Variants in GULP1 observed in about 807,000 individuals in gnomAD.
The protein encoded by GULP1 is PTB domain-containing engulfment adapter protein 1.
In GULP1, 19 loss-of-function variants were observed where a neutral mutation model predicts 40.9. The observed-to-expected ratio is 0.46, with a 90% confidence interval of 0.32 to 0.68. The LOEUF (loss-of-function observed/expected upper bound fraction) is 0.68, where lower values mean the gene tolerates loss of function less well. GULP1 is among the 30% of genes least tolerant of loss of function. GULP1 has a pLI of 0.03. For missense variants in GULP1, 312 were observed against 362.2 expected (o/e 0.86, Z 1.12); for synonymous variants, 119 against 117.6 (o/e 1.01, Z -0.08).
rs573871770 is a variant in GULP1 at position 188,496,211 on chromosome 2, A to G, written c.90+12719A>G. Among the ~76,000 whole-genome samples the G allele has an allele frequency of 4.6e-5, 7 of 152,180 alleles. No individual in the cohort carries two copies. The East Asian group carries it at 1.2e-3, about 25-fold the overall frequency. ...CTTGAGCATCAAAGTAAGCAATGAA[A>G]GGGCTTGACCAGCTTTTAGTTGATC... On this transcript the variant is annotated intron_variant, in intron 4 of 11. Coordinates refer to ENST00000409830, the MANE Select transcript of GULP1 (RefSeq NM_016315.4).
Position 188,414,414 on chromosome 2 carries a change from A to G in GULP1, c.-45+30525A>G, listed in dbSNP as rs1375000279. 3.3e-5 allele frequency among the ~76,000 whole-genome samples: 5 copies of G among 152,192 alleles called. No individual in the cohort carries two copies. The East Asian group carries it at 9.6e-4, about 29-fold the overall frequency. On this transcript the variant is annotated intron_variant, in intron 2 of 11. Coordinates refer to ENST00000409830, the MANE Select transcript of GULP1 (RefSeq NM_016315.4). ...CCACAGTTGTGTTTCCATTTGACAAATAATTTTTATGATTTATTAGTATGA... is the reference window on the plus strand; with the variant it reads ...CCACAGTTGTGTTTCCATTTGACAAGTAATTTTTATGATTTATTAGTATGA...
At chr2:188,469,675 G>T (rs1476871793) in intron 2 of GULP1, among the ~76,000 whole-genome samples, 2 of 152,172 alleles carry the variant, frequency 1.3e-5, no homozygotes, top group African/African-American at 4.8e-5. Flanking sequence ...CATTTAGTAT[G>T]ATAGTAGCTG....
intron 7 of GULP1, among the ~76,000 whole-genome samples, chr2:188,566,667 G>C (rs189766140): frequency 6.6e-6 from 1 of 151,448 alleles, no homozygotes; most frequent in African/African-American, 2.4e-5. Context: ...GTGGTGGTGC[G>C]TGCCTGTAGT....
At chr2:188,583,573 T>A (rs886518725) in intron 9 of GULP1, among the ~76,000 whole-genome samples, 1 of 152,210 alleles carries the variant, frequency 6.6e-6, no homozygotes, top group Non-Finnish European at 1.5e-5. Flanking sequence ...TTTTCATTTA[T>A]CTTTCCCTAT....
At chr2:188,560,995 A>T (rs930569304) in intron 7 of GULP1, among the ~76,000 whole-genome samples, 1 of 152,234 alleles carries the variant, frequency 6.6e-6, no homozygotes, top group African/African-American at 2.4e-5. Context: ...TTACAATTTA[A>T]TATGAGATTT....
At chr2:188,456,302 A>G (rs182522632) in intron 2 of GULP1, among the ~76,000 whole-genome samples, 3,500 of 152,278 alleles carry the variant, frequency 0.023, 146 homozygotes, top group African/African-American at 0.08. Context: ...AGCCTCTCCC[A>G]TCACGTGCCG....
At chr2:188,433,383 C>T (rs2057093712) in intron 2 of GULP1, among the ~76,000 whole-genome samples, 3 of 152,022 alleles carry the variant, frequency 2.0e-5, no homozygotes, top group South Asian at 4.1e-4. Context: ...ACGGACAGTC[C>T]GGTTTCTCGA....
intron 2 of GULP1, among the ~76,000 whole-genome samples, chr2:188,402,853 C>G (rs995270018): frequency 6.6e-6 from 1 of 152,108 alleles, no homozygotes; most frequent in South Asian, 2.1e-4. Flanking sequence ...ATGTCAGGCA[C>G]TGTCCTAAGC....
chr2:188,378,811 T>C (rs1220353372), intron 1 of GULP1, among the ~76,000 whole-genome samples: 1 of 152,142 alleles, frequency 6.6e-6, no homozygotes, highest in Non-Finnish European at 1.5e-5. Flanking sequence ...ACGTTTAACA[T>C]TGGGGATCAC....
intron 9 of GULP1, among the ~76,000 whole-genome samples, chr2:188,580,190 A>G (rs970282401): frequency 6.6e-6 from 1 of 152,244 alleles, no homozygotes. Flanking sequence ...AGTAAGTTAT[A>G]TCGAACAAAA....
At chr2:188,513,205 A>T (rs901806147) in intron 4 of GULP1, among the ~76,000 whole-genome samples, 3 of 152,154 alleles carry the variant, frequency 2.0e-5, no homozygotes, top group African/African-American at 7.2e-5. Flanking sequence ...GTAAAATCTG[A>T]CGAACTATAT....
At chr2:188,356,936 G>A (rs760803270) in intron 1 of GULP1, among the ~76,000 whole-genome samples, 1 of 152,020 alleles carries the variant, frequency 6.6e-6, no homozygotes, top group Non-Finnish European at 1.5e-5. Flanking sequence ...TTAAACAGAG[G>A]CACCAAGAAC....
At chr2:188,323,650 A>ATGTGTGTGTG (rs112584285) in intron 1 of GULP1, among the ~76,000 whole-genome samples, 1 of 143,582 alleles carries the variant, frequency 7.0e-6, no homozygotes. Context: ...ATCTGAAGAT[A>ATGTGTGTGTG]TGTGTGTGTG....
rs2041355225 is a variant in GULP1 at position 188,330,080 on chromosome 2, GT to G, written c.-172+37916del. Among the ~76,000 whole-genome samples the G allele has an allele frequency of 3.3e-5, 5 of 152,218 alleles. No homozygotes were observed. The South Asian group carries it at 1.0e-3, about 32-fold the overall frequency. ...CGTCATCATATAGGTAGTATTTAAA[GT>G]TATGAAACATACTCAAATTACCTAG... On this transcript the variant is annotated intron_variant, in intron 1 of 11. Transcript: ENST00000409830.
intron 1 of GULP1, among the ~76,000 whole-genome samples, chr2:188,358,119 T>C (rs556374679): frequency 6.6e-6 from 1 of 152,200 alleles, no homozygotes; most frequent in South Asian, 2.1e-4. Flanking sequence ...AGGCAGAAGT[T>C]TCAGTGAGCC....
At chr2:188,575,543 G>C (rs1700000512) in intron 9 of GULP1, among the ~76,000 whole-genome samples, 1 of 152,174 alleles carries the variant, frequency 6.6e-6, no homozygotes, top group Non-Finnish European at 1.5e-5. Flanking sequence ...TTTAGAGAAA[G>C]TGACCAGGGA....
chr2:188,358,022 A>G (rs2045583022), intron 1 of GULP1, among the ~76,000 whole-genome samples: 2 of 152,120 alleles, frequency 1.3e-5, no homozygotes, highest in Admixed American at 6.6e-5. Flanking sequence ...CTACTAAAAA[A>G]AATAAAAAAT....
At chr2:188,475,364 C>G (rs1332775072) in intron 2 of GULP1, among the ~76,000 whole-genome samples, 2 of 151,774 alleles carry the variant, frequency 1.3e-5, no homozygotes, top group Non-Finnish European at 2.9e-5. Flanking sequence ...CATGTTTGCT[C>G]CAATGAACTT....
chr2:188,502,187 G>GGGACAGTTCTA (rs140491144), intron 4 of GULP1, among the ~76,000 whole-genome samples: 141,915 of 151,708 alleles, frequency 0.94, 66,786 homozygotes, highest in Middle Eastern at 0.99. Context: ...TTATAAAACT[G>GGGACAGTTCTA]GTAAGAAGAG....
Sources: allele counts gnomAD v4.1 joint callset (sites outside exome capture counted in the v4.1 genomes callset), GRCh38; gene constraint gnomAD v4.1.1; transcripts MANE v1.5; gene names NCBI Gene and HGNC (gene_info 2026-07-23, HGNC 2026-07-21).